Variants in RBMS3 observed in about 807,000 individuals in gnomAD.
RBMS3 encodes the protein RNA binding motif single stranded interacting protein 3, also known as RNA-binding motif, single-stranded-interacting protein 3.
Under a neutral mutation model 66.8 loss-of-function variants are expected in RBMS3, and 27 were observed. The ratio of observed to expected loss-of-function variants is 0.40; its 90% CI spans 0.30 to 0.56. The LOEUF (loss-of-function observed/expected upper bound fraction) is 0.56. Ranked by LOEUF, RBMS3 falls within the 20% of genes least tolerant of loss-of-function variation. The probability of loss-of-function intolerance (pLI) is 0.40; values close to 1 mark genes in which losing one functional copy is unlikely to be tolerated. For missense variants in RBMS3, 513 were observed against 549.5 expected, an observed-to-expected ratio of 0.93 and a Z score of 0.66; for synonymous variants, 188 against 183.0, an observed-to-expected ratio of 1.03 and a Z score of -0.22.
intron 8 of RBMS3, among the ~76,000 whole-genome samples, chr3:29,885,745 C>A (rs1245582097): frequency 6.6e-6 from 1 of 151,720 alleles, no homozygotes; most frequent in Non-Finnish European, 1.5e-5. Context: ...TATGTATGCA[C>A]ATGTGTGTAA....
At chr3:29,490,921 T>A (rs2043518708) in intron 3 of RBMS3, among the ~76,000 whole-genome samples, 1 of 152,050 alleles carries the variant, frequency 6.6e-6, no homozygotes, top group Non-Finnish European at 1.5e-5. Flanking sequence ...GAAGCACAAA[T>A]ACTGCACAGG....
At chr3:29,953,586 G>T (rs182081265) in intron 12 of RBMS3, among the ~76,000 whole-genome samples, 12 of 152,016 alleles carry the variant, frequency 7.9e-5, no homozygotes, top group Non-Finnish European at 1.6e-4. Context: ...ACATGAGAGA[G>T]GGTAAATAGT....
chr3:29,526,803 A>G (rs1277703295), intron 3 of RBMS3, among the ~76,000 whole-genome samples: 2 of 150,416 alleles, frequency 1.3e-5, no homozygotes, highest in South Asian at 2.1e-4. Context: ...ACGTTTCCCA[A>G]CTCCTCACCT....
intron 10 of RBMS3, among the ~76,000 whole-genome samples, chr3:29,913,442 G>A (rs1322625524): frequency 2.0e-5 from 3 of 151,890 alleles, no homozygotes; most frequent in Non-Finnish European, 4.4e-5. Flanking sequence ...AAATTAGGGT[G>A]GTACTTGTTC....
chr3:29,652,370 G>A (rs1410419309), intron 4 of RBMS3, among the ~76,000 whole-genome samples: 1 of 152,058 alleles, frequency 6.6e-6, no homozygotes, highest in Non-Finnish European at 1.5e-5. Flanking sequence ...AATTATTTAA[G>A]CATTATTAGG....
intron 10 of RBMS3, among the ~76,000 whole-genome samples, chr3:29,907,412 G>T (rs2060406825): frequency 6.6e-6 from 1 of 151,888 alleles, no homozygotes; most frequent in Non-Finnish European, 1.5e-5. Context: ...TTATCATAAT[G>T]GATATGCCAC....
chr3:29,682,806 C>T (rs1239357414), intron 4 of RBMS3, among the ~76,000 whole-genome samples: 1 of 152,076 alleles, frequency 6.6e-6, no homozygotes, highest in Non-Finnish European at 1.5e-5. Context: ...TTTGGATACA[C>T]AAAGTAGGAA....
At chr3:29,850,142 C>T (rs2058894901) in intron 6 of RBMS3, among the ~76,000 whole-genome samples, 1 of 152,074 alleles carries the variant, frequency 6.6e-6, no homozygotes, top group African/African-American at 2.4e-5. Flanking sequence ...AGACAAGTTT[C>T]TGTGGAGACT....
intron 4 of RBMS3, among the ~76,000 whole-genome samples, chr3:29,730,076 T>C (rs986862671): frequency 6.6e-5 from 10 of 152,116 alleles, no homozygotes; most frequent in Non-Finnish European, 2.9e-5. Flanking sequence ...ACAAATAGTT[T>C]ATATAAAATG....
chr3:29,989,603 G>A (rs986528769), intron 13 of RBMS3, among the ~76,000 whole-genome samples: 2 of 152,178 alleles, frequency 1.3e-5, no homozygotes, highest in Non-Finnish European at 1.5e-5. Context: ...CCTGGTTTTG[G>A]TGTGTGACAA....
intron 4 of RBMS3, among the ~76,000 whole-genome samples, chr3:29,720,231 G>A (rs970856895): frequency 3.3e-5 from 5 of 152,022 alleles, no homozygotes; most frequent in Admixed American, 6.6e-5. Flanking sequence ...TATTAATTTT[G>A]TAGTACTTTT....
intron 1 of RBMS3, among the ~76,000 whole-genome samples, chr3:29,425,469 T>A (rs2040919880): frequency 6.8e-6 from 1 of 146,570 alleles, no homozygotes; most frequent in Non-Finnish European, 1.5e-5. Context: ...CCGTCTCTAC[T>A]AAAAATACAA....
chr3:29,713,072 A>G (rs2053241263), intron 4 of RBMS3, among the ~76,000 whole-genome samples: 1 of 151,984 alleles, frequency 6.6e-6, no homozygotes, highest in Non-Finnish European at 1.5e-5. Flanking sequence ...TAATTCTTCA[A>G]GACCTTCTTA....
At chr3:29,610,117 T>G (rs2048444305) in intron 4 of RBMS3, among the ~76,000 whole-genome samples, 1 of 152,040 alleles carries the variant, frequency 6.6e-6, no homozygotes, top group Admixed American at 6.6e-5. Context: ...TTTAGATGAC[T>G]TATTTTTTAT....
intron 1 of RBMS3, among the ~76,000 whole-genome samples, chr3:29,337,898 G>A (rs2036045284): frequency 6.6e-6 from 1 of 152,098 alleles, no homozygotes; most frequent in Non-Finnish European, 1.5e-5. Flanking sequence ...ATGATTTCTG[G>A]TAATTATAAT....
chr3:29,647,647 C>T (rs2049977404), intron 4 of RBMS3, among the ~76,000 whole-genome samples: 1 of 152,130 alleles, frequency 6.6e-6, no homozygotes, highest in Non-Finnish European at 1.5e-5. Flanking sequence ...ATATCTCTCG[C>T]AGGCTGGGTA....
chr3:29,659,496 C>T (rs929914205), intron 4 of RBMS3, among the ~76,000 whole-genome samples: 4 of 152,048 alleles, frequency 2.6e-5, no homozygotes, highest in African/African-American at 7.2e-5. Flanking sequence ...TATCTTTTGT[C>T]GCTAATTTCA....
intron 3 of RBMS3, among the ~76,000 whole-genome samples, chr3:29,567,914 A>G (rs1248710302): frequency 6.6e-6 from 1 of 152,128 alleles, no homozygotes; most frequent in African/African-American, 2.4e-5. Context: ...GGGATTTCTT[A>G]TTTTAATCTG....
At chr3:29,506,755 A>G (rs920664030) in intron 3 of RBMS3, among the ~76,000 whole-genome samples, 1 of 151,730 alleles carries the variant, frequency 6.6e-6, no homozygotes, top group African/African-American at 2.4e-5. Flanking sequence ...TCTCCTTGTT[A>G]TTGGTCTGTT....
Sources: allele counts gnomAD v4.1 joint callset (sites outside exome capture counted in the v4.1 genomes callset), GRCh38; gene constraint gnomAD v4.1.1; transcripts MANE v1.5; gene names NCBI Gene and HGNC (gene_info 2026-07-23, HGNC 2026-07-21).